SEPTIN7: variants seen among roughly 807,000 people sequenced by gnomAD.
SEPTIN7 encodes the protein septin-7.
A neutral mutation model predicts 63.3 loss-of-function variants in SEPTIN7; 10 were observed. The observed-to-expected ratio is 0.16, with a 90% CI of 0.10 to 0.27. The LOEUF (loss-of-function observed/expected upper bound fraction) is 0.27, where lower values mean the gene tolerates loss of function less well. Ranked by LOEUF, SEPTIN7 falls within the 10% of genes least tolerant of loss-of-function variation. The pLI, the probability that SEPTIN7 is intolerant of heterozygous loss-of-function variation, is 1.00. For missense variants in SEPTIN7, 310 were observed against 521.0 expected (o/e 0.59, Z 3.94); for synonymous variants, 131 against 165.3 (o/e 0.79, Z 1.59).
chr7:35,821,697 A>G (rs894224148), intron 1 of SEPTIN7, among the ~76,000 whole-genome samples: 2 of 152,214 alleles, frequency 1.3e-5, no homozygotes, highest in Non-Finnish European at 2.9e-5. Context: ...AAGTGGTTTA[A>G]GTTTATATTC....
intron 8 of SEPTIN7, among the ~76,000 whole-genome samples, chr7:35,883,538 G>GC (rs994782800): frequency 1.3e-5 from 2 of 150,734 alleles, no homozygotes; most frequent in Non-Finnish European, 3.0e-5. Flanking sequence ...CTAGTCATTA[G>GC]CCCCCCGCTT....
intron 10 of SEPTIN7, among the ~76,000 whole-genome samples, chr7:35,887,296 A>G (rs577251519): frequency 1.3e-5 from 2 of 152,336 alleles, no homozygotes; most frequent in Admixed American, 6.5e-5. Flanking sequence ...AAAGTATACA[A>G]TCAATAATTT....
intron 9 of SEPTIN7, 23 bp from the exon 10 acceptor site, chr7:35,885,805 T>C (rs371216438): frequency 2.5e-6 from 4 of 1,578,664 alleles, no homozygotes; most frequent in Middle Eastern, 3.3e-4. Context: ...ATATAACATA[T>C]GCGGTCTGCT....
chr7:35,862,607 A>G (rs1785568796), intron 3 of SEPTIN7, among the ~76,000 whole-genome samples: 1 of 152,126 alleles, frequency 6.6e-6, no homozygotes, highest in East Asian at 1.9e-4. Flanking sequence ...TCTCAGTCAA[A>G]GGGGTAAGCC....
intron 1 of SEPTIN7, chr7:35,803,196 A>T: frequency 1.1e-6 from 1 of 893,252 alleles, no homozygotes; most frequent in Non-Finnish European, 1.3e-6. Flanking sequence ...TGCATACATA[A>T]TACATGAAAG....
chr7:35,889,683 A>G (rs1467392709), intron 10 of SEPTIN7, among the ~76,000 whole-genome samples: 1 of 152,146 alleles, frequency 6.6e-6, no homozygotes, highest in African/African-American at 2.4e-5. Flanking sequence ...AGCTGGGATT[A>G]TAGGTGCTTG....
At chr7:35,911,713 C>T (rs1157966954), downstream of SEPTIN7, among the ~76,000 whole-genome samples, 1 of 152,106 alleles carries the variant, frequency 6.6e-6, no homozygotes, top group Non-Finnish European at 1.5e-5. Context: ...AATGATATGG[C>T]CCACTGTAGG....
chr7:35,913,568 TTTCCTTCCTTCCTTCTTTCC>T, the SEPTIN7 span, among the ~76,000 whole-genome samples: 1 of 149,240 alleles, frequency 6.7e-6, no homozygotes, highest in Non-Finnish European at 1.5e-5. Flanking sequence ...TCCTTCTTTC[TTTCCTTCCTTCCTTCTTTCC>T]TTCCTTCCTT....
chr7:35,842,244 T>G (rs551219513), intron 3 of SEPTIN7, among the ~76,000 whole-genome samples: 4 of 152,246 alleles, frequency 2.6e-5, no homozygotes, highest in African/African-American at 9.6e-5. Context: ...CTACAGAACC[T>G]TAGAATTATT....
At chr7:35,857,440 C>T (rs1330510492) in intron 3 of SEPTIN7, among the ~76,000 whole-genome samples, 4 of 152,106 alleles carry the variant, frequency 2.6e-5, no homozygotes, top group South Asian at 4.1e-4. Flanking sequence ...TTTTCCCACA[C>T]ATTTGATAAG....
At chr7:35,857,043 G>A (rs1785248957) in intron 3 of SEPTIN7, among the ~76,000 whole-genome samples, 1 of 152,140 alleles carries the variant, frequency 6.6e-6, no homozygotes, top group Non-Finnish European at 1.5e-5. Flanking sequence ...TGATTTGAGG[G>A]AGGTAAATAG....
At position 35,903,186 on chromosome 7, in the gene SEPTIN7, A is replaced by G. The variant is rs757716539; in HGVS notation, c.1245A>G (p.Gln415=). 3.1e-6 allele frequency: 5 copies of G among 1,599,848 alleles called. No homozygotes were observed. The highest frequency in any genetic ancestry group is 4.3e-6 in the Non-Finnish European group (5 of 1,174,438). Residue 415 remains glutamine (Q), a synonymous_variant, in exon 13 of 14, where the codon CAA becomes CAG. Transcript: ENST00000350320. The part of the protein sequence containing the change: ...EDEKANWEAQ[Q]RILEQQNSSR... ...AGAAAGCAAACTGGGAAGCTCAACA[A>G]CGTATTTTAGAACAACAGAACTCTT...
intron 1 of SEPTIN7, among the ~76,000 whole-genome samples, chr7:35,822,715 C>G (rs1783289380): frequency 6.6e-6 from 1 of 152,186 alleles, no homozygotes; most frequent in Non-Finnish European, 1.5e-5. Flanking sequence ...TTTATAATTG[C>G]ATATGTGGTT....
chr7:35,862,891 A>G (rs1294345659), intron 3 of SEPTIN7, among the ~76,000 whole-genome samples: 2 of 151,940 alleles, frequency 1.3e-5, no homozygotes, highest in South Asian at 2.1e-4. Flanking sequence ...TAGACTAGAC[A>G]TGGAGAGTCA....
intron 3 of SEPTIN7, among the ~76,000 whole-genome samples, chr7:35,857,076 A>T (rs1420099409): frequency 6.6e-6 from 1 of 152,190 alleles, no homozygotes; most frequent in Non-Finnish European, 1.5e-5. Context: ...CATTTTGATT[A>T]TGAGACATTT....
At chr7:35,873,589 A>G in intron 5 of SEPTIN7, 52 bp from the exon 6 acceptor site, 2 of 1,550,290 alleles carry the variant, frequency 1.3e-6, no homozygotes, top group Non-Finnish European at 1.7e-6. Context: ...AACAGTCATC[A>G]GTTAATTCAT....
intron 1 of SEPTIN7, among the ~76,000 whole-genome samples, chr7:35,814,391 C>T (rs1788917551): frequency 1.3e-5 from 2 of 152,226 alleles, no homozygotes; most frequent in South Asian, 2.1e-4. Flanking sequence ...TGAGGATCTC[C>T]TGTGCTTATT....
At chr7:35,869,857 AT>A (rs963882881) in intron 4 of SEPTIN7, among the ~76,000 whole-genome samples, 1 of 152,198 alleles carries the variant, frequency 6.6e-6, no homozygotes, top group Non-Finnish European at 1.5e-5. Flanking sequence ...ACAGTTGAAA[AT>A]GCCCTTGATT....
At chr7:35,911,395 AG>A (rs1788737364), downstream of SEPTIN7, among the ~76,000 whole-genome samples, 1 of 152,010 alleles carries the variant, frequency 6.6e-6, no homozygotes, top group South Asian at 2.1e-4. Flanking sequence ...CCTATATTTG[AG>A]GCATACTGCC....
Sources: allele counts gnomAD v4.1 joint callset (sites outside exome capture counted in the v4.1 genomes callset), GRCh38; gene constraint gnomAD v4.1.1; transcripts MANE v1.5; gene names NCBI Gene and HGNC (gene_info 2026-07-23, HGNC 2026-07-21).